Variants in CACNA1B observed in about 807,000 individuals in gnomAD.
The protein encoded by CACNA1B is calcium voltage-gated channel subunit alpha1 B.
CACNA1B carries 70 observed loss-of-function variants against 247.2 expected under a neutral mutation model. The observed-to-expected ratio is 0.28, with a 90% CI of 0.23 to 0.35. The LOEUF (loss-of-function observed/expected upper bound fraction) is 0.35, where lower values mean the gene tolerates loss of function less well. Among genes scored for constraint, CACNA1B ranks in the 10% least tolerant of loss-of-function variants. The pLI, the probability that CACNA1B is intolerant of heterozygous loss-of-function variation, is 1.00. For synonymous variants in CACNA1B, 1,231 were observed against 1,294.4 expected, an observed-to-expected ratio of 0.95 and a Z score of 1.05; for missense variants, 2,367 against 3,197.4, an observed-to-expected ratio of 0.74 and a Z score of 6.26.
chr9:137,883,754 ACTGT>A (rs1469677230), intron 3 of CACNA1B, among the ~76,000 whole-genome samples: 124 of 152,340 alleles, frequency 8.1e-4, no homozygotes, highest in African/African-American at 2.8e-3. Flanking sequence ...GCCAGGGACC[ACTGT>A]CTGCTCTTTC....
chr9:137,923,563 T>C (rs1473603566), intron 6 of CACNA1B, among the ~76,000 whole-genome samples: 1 of 152,188 alleles, frequency 6.6e-6, no homozygotes, highest in East Asian at 1.9e-4. Flanking sequence ...ATGGCTTGTT[T>C]AACCGTTCAC....
chr9:138,003,404 T>C (rs187932421), intron 15 of CACNA1B, among the ~76,000 whole-genome samples: 3 of 151,264 alleles, frequency 2.0e-5, no homozygotes, highest in Admixed American at 2.0e-4. Context: ...ATCTCCAAAG[T>C]GTTGGGATTA....
intron 20 of CACNA1B, chr9:138,032,885 G>T: frequency 5.2e-5 from 15 of 286,772 alleles, no homozygotes; most frequent in South Asian, 1.2e-4. Flanking sequence ...TCTTGTTTGG[G>T]GTTTGCTCAA....
intron 20 of CACNA1B, 33 bp from the exon 21 acceptor site, chr9:138,043,741 C>T (rs764979096): frequency 1.9e-6 from 3 of 1,613,424 alleles, no homozygotes; most frequent in South Asian, 1.1e-5. Context: ...ATGTGCACTA[C>T]ACCCCTTACT....
chr9:137,956,905 A>G lies in CACNA1B; in HGVS notation c.1243+78A>G, dbSNP rs1469890917. 7 of 1,201,474 alleles carry G rather than the reference A, an allele frequency of 5.8e-6. No homozygotes were observed. The East Asian group carries it at 7.0e-5, about 12-fold the overall frequency. 74.4% of individuals were successfully genotyped at this position (1,201,474 alleles called of 1,614,324 possible). A position where few individuals can be genotyped will look rare whatever the true frequency, so the allele number is the denominator to read the frequency against. The stretch of plus-strand genomic sequence containing the variant: ...TGGGTGGTGACACGTGCCTGCTTGC[A>G]TGTTTCACGCGAAGTGCTCTTGGCA... On this transcript the variant is annotated intron_variant, in intron 9 of 46. Coordinates refer to ENST00000371372, the MANE Select transcript of CACNA1B (RefSeq NM_000718.4).
Position 138,105,169 on chromosome 9 carries a change from A to G in CACNA1B, c.5320-530A>G, listed in dbSNP as rs549609145. Among the ~76,000 whole-genome samples, 8 of 152,340 alleles carry G rather than the reference A, an allele frequency of 5.3e-5. No homozygotes were observed. In the South Asian group the frequency reaches 8.3e-4, roughly 16 times the overall value. Reference sequence around the variant, plus strand: ...CCTCATGCTGGGTGGTGAGAGGCAGAAGCCTCACTGGACCTGAGCTAAAAC... The same window carrying G: ...CCTCATGCTGGGTGGTGAGAGGCAGGAGCCTCACTGGACCTGAGCTAAAAC... On this transcript the variant is annotated intron_variant, in intron 38 of 46. Transcript: ENST00000371372.
rs534977766 is a variant in CACNA1B, at chr9:137,917,912, C to T, written c.966+481C>T. 1.3e-5 allele frequency among the ~76,000 whole-genome samples: 2 copies of T among 152,334 alleles called. No homozygotes were observed. The highest frequency in any genetic ancestry group is 4.8e-5 in the African/African-American group (2 of 41,564). Reference sequence around the variant, plus strand: ...GGACCATGGGCAGCTGTTGCTGTGCCACCCCTCTAGGGTCTCTGTTGGAGT... The same window carrying T: ...GGACCATGGGCAGCTGTTGCTGTGCTACCCCTCTAGGGTCTCTGTTGGAGT... On this transcript the variant is annotated intron_variant, in intron 6 of 46. Coordinates refer to ENST00000371372, the MANE Select transcript of CACNA1B (RefSeq NM_000718.4). This position sits in a 1 kb window ranked among gnomAD's most constrained non-coding sequence, Gnocchi z 5.5.
chr9:137,940,024 CA>C (rs1564198691), intron 6 of CACNA1B, among the ~76,000 whole-genome samples: 1 of 151,628 alleles, frequency 6.6e-6, no homozygotes, highest in African/African-American at 2.4e-5. Flanking sequence ...ACTAAAGAAA[CA>C]AGAACAAATC....
chr9:138,114,223 A>G (rs562169405), intron 40 of CACNA1B, among the ~76,000 whole-genome samples, 155 bp from the exon 41 acceptor site: 2 of 152,248 alleles, frequency 1.3e-5, no homozygotes, highest in Admixed American at 1.3e-4. Flanking sequence ...GCCGAGCCCC[A>G]TGTTCTGCCT....
intron 10 of CACNA1B, among the ~76,000 whole-genome samples, chr9:137,968,607 C>T (rs536083971): frequency 1.3e-5 from 2 of 152,340 alleles, no homozygotes; most frequent in South Asian, 4.1e-4. Flanking sequence ...ACTTTCTTGT[C>T]TGTCTCCCCA....
chr9:138,108,802 C>G (rs1961526806), intron 39 of CACNA1B, among the ~76,000 whole-genome samples: 1 of 152,148 alleles, frequency 6.6e-6, no homozygotes, highest in Non-Finnish European at 1.5e-5. Flanking sequence ...GTGCACGCCA[C>G]CACGCCTGGC....
At chr9:137,907,184 A>G (rs918923372) in intron 3 of CACNA1B, among the ~76,000 whole-genome samples, 2 of 152,098 alleles carry the variant, frequency 1.3e-5, no homozygotes, top group Non-Finnish European at 2.9e-5. Flanking sequence ...ACCCCTTAAC[A>G]TTATTTTAAA....
At chr9:138,061,402 C>T (rs970052613) in intron 31 of CACNA1B, among the ~76,000 whole-genome samples, 3 of 152,166 alleles carry the variant, frequency 2.0e-5, no homozygotes, top group Non-Finnish European at 4.4e-5. Flanking sequence ...GAGACAGGCC[C>T]CTTCTTCTTT....
chr9:137,986,958 G>A lies in CACNA1B; in HGVS notation c.1974+104G>A. 5.7e-6 allele frequency: 5 copies of A among 873,852 alleles called. No homozygotes were observed. The highest frequency in any genetic ancestry group is 2.4e-5 in the East Asian group (1 of 41,430). The allele number at this position is 873,852 out of a possible 1,614,324, so 54.1% of individuals were successfully genotyped here. A position where few individuals can be genotyped will look rare whatever the true frequency, so the allele number is the denominator to read the frequency against. On this transcript the variant is annotated intron_variant, in intron 15 of 46. Transcript: ENST00000371372. This position sits in a 1 kb window ranked among gnomAD's most constrained non-coding sequence, Gnocchi z 6.0. Reference sequence around the variant, plus strand: ...CATTCCCTCCCTTGTTCCTCCACACGGCCCAGATCACTGACTTTTCAGACA... The same window carrying A: ...CATTCCCTCCCTTGTTCCTCCACACAGCCCAGATCACTGACTTTTCAGACA...
chr9:138,104,673 T>A (rs1961363936), intron 38 of CACNA1B, among the ~76,000 whole-genome samples: 1 of 152,100 alleles, frequency 6.6e-6, no homozygotes. Context: ...TGTATGGCCC[T>A]CCCTAGAGAA....
At chr9:137,977,788 C>T (rs1440592867) in intron 12 of CACNA1B, among the ~76,000 whole-genome samples, 2 of 152,150 alleles carry the variant, frequency 1.3e-5, no homozygotes, top group African/African-American at 2.4e-5. Flanking sequence ...TCAAGCCCTC[C>T]CGTAAGGAGC....
At position 137,907,616 on chromosome 9, in the gene CACNA1B, T is replaced by G. The variant is rs528394952; in HGVS notation, c.531-5564T>G. Among the ~76,000 whole-genome samples the G allele has an allele frequency of 2.9e-4, 44 of 152,342 alleles. 1 individual carries two copies. In the South Asian group the frequency reaches 8.1e-3, roughly 28 times the overall value. On this transcript the variant is annotated intron_variant, in intron 3 of 46. Coordinates refer to ENST00000371372, the MANE Select transcript of CACNA1B (RefSeq NM_000718.4). ...CTTGTAATTTGTTGATTTTTCTGAT[T>G]AGTTATTTGTATTTTTCATATGAAT... is the stretch of plus-strand genomic sequence containing the variant.
chr9:137,980,251 A>G (rs1242485418), intron 12 of CACNA1B, among the ~76,000 whole-genome samples: 1 of 152,144 alleles, frequency 6.6e-6, no homozygotes, highest in Admixed American at 6.6e-5. Context: ...ATTAGAAAAA[A>G]GCTCTACCCA....
chr9:138,077,845 T>C (rs1398336380), intron 35 of CACNA1B, among the ~76,000 whole-genome samples: 4 of 152,248 alleles, frequency 2.6e-5, no homozygotes, highest in African/African-American at 9.6e-5. Flanking sequence ...CTGGGGCCTG[T>C]GGTGTCCACA....
Sources: allele counts gnomAD v4.1 joint callset (sites outside exome capture counted in the v4.1 genomes callset), GRCh38; gene constraint gnomAD v4.1.1; non-coding constraint Gnocchi (gnomAD v3.1); transcripts MANE v1.5; gene names NCBI Gene and HGNC (gene_info 2026-07-23, HGNC 2026-07-21).